Variants in MAPK4 observed in about 807,000 individuals in gnomAD.
MAPK4 encodes the protein mitogen-activated protein kinase 4.
A neutral mutation model predicts 47.7 loss-of-function variants in MAPK4; 22 were observed. The observed-to-expected ratio is 0.46, with a 90% CI of 0.33 to 0.66. The LOEUF (loss-of-function observed/expected upper bound fraction) is 0.66, where lower values mean the gene tolerates loss of function less well. Ranked by LOEUF, MAPK4 falls within the 30% of genes least tolerant of loss-of-function variation. MAPK4 has a pLI of 0.02. For missense variants in MAPK4, 736 were observed against 831.7 expected (o/e 0.88, Z 1.42); for synonymous variants, 390 against 365.7 (o/e 1.07, Z -0.76).
At chr18:50,603,049 T>C (rs1237392033) in intron 1 of MAPK4, among the ~76,000 whole-genome samples, 2 of 152,114 alleles carry the variant, frequency 1.3e-5, no homozygotes, top group Non-Finnish European at 2.9e-5. Flanking sequence ...TCTTACCTCC[T>C]GGTAAGGAGG....
chr18:50,693,274 GCA>G (rs1909331387), intron 2 of MAPK4, among the ~76,000 whole-genome samples: 1 of 151,986 alleles, frequency 6.6e-6, no homozygotes, highest in South Asian at 2.1e-4. Flanking sequence ...AAAAGATAGT[GCA>G]CAGTCTACAA....
intron 3 of MAPK4, among the ~76,000 whole-genome samples, chr18:50,720,728 G>A (rs1000113319): frequency 7.2e-5 from 11 of 152,216 alleles, no homozygotes; most frequent in African/African-American, 2.7e-4. Flanking sequence ...GGTGGGTGGT[G>A]TGGAGTACAC....
At chr18:50,704,370 G>A (rs769525295) in intron 2 of MAPK4, among the ~76,000 whole-genome samples, 56 of 152,106 alleles carry the variant, frequency 3.7e-4, no homozygotes, top group Non-Finnish European at 2.6e-4. Flanking sequence ...TTAGCCAGGC[G>A]TGGTGGTGCA....
intron 2 of MAPK4, among the ~76,000 whole-genome samples, chr18:50,679,629 T>A (rs187992310): frequency 2.6e-4 from 40 of 151,018 alleles, no homozygotes; most frequent in African/African-American, 9.6e-4. Flanking sequence ...AAGATCTGCC[T>A]CCGGGAACCT....
In MAPK4 at chr18:50,664,952, C is replaced by T. The variant is rs1598885564; in HGVS notation, c.546+448C>T. Reference sequence around the variant, plus strand: ...TTGGTCTCACCTCCCTCATCCCATCCAAGCTGACCCATTCGGTGTCCATTT... The same window carrying T: ...TTGGTCTCACCTCCCTCATCCCATCTAAGCTGACCCATTCGGTGTCCATTT... On this transcript the variant is annotated intron_variant, in intron 2 of 5. Transcript: ENST00000400384. This position sits in a 1 kb window ranked among gnomAD's most constrained non-coding sequence, Gnocchi z 6.0. 1.3e-5 allele frequency among the ~76,000 whole-genome samples: 2 copies of T among 152,198 alleles called. No homozygotes were observed. Among genetic ancestry groups the T allele is most frequent in the East Asian group, 1.9e-4 (1 of 5,190 alleles).
In MAPK4 at chr18:50,655,559, G is replaced by C. The variant is rs79202562; in HGVS notation, c.-870-7530G>C. 2.0e-4 allele frequency among the ~76,000 whole-genome samples: 31 copies of C among 152,262 alleles called. No individual in the cohort carries two copies. In the East Asian group the frequency reaches 5.4e-3, roughly 27 times the overall value. ...GAACCACTGCAGCCTGCACTCCTCT[G>C]GGGTGGAGGGAGCAGCGCTTAATTT... On this transcript the variant is annotated intron_variant, in intron 1 of 5. Transcript: ENST00000400384.
At position 50,681,555 on chromosome 18, in the gene MAPK4, T is replaced by C. The variant is rs75921780; in HGVS notation, c.546+17051T>C. Among the ~76,000 whole-genome samples, 409 of 152,366 alleles carry C rather than the reference T, an allele frequency of 2.7e-3. 12 individuals are homozygous for C. In the East Asian group the frequency reaches 0.035, roughly 13 times the overall value. On this transcript the variant is annotated intron_variant, in intron 2 of 5. Transcript: ENST00000400384. ...TCTTCAATTTTTGTAGTTTTAGCTC[T>C]TCAGTTTAGGTCTTTGATCCATTTT... is the stretch of plus-strand genomic sequence containing the variant.
At chr18:50,573,264 G>T (rs943928347) in intron 1 of MAPK4, among the ~76,000 whole-genome samples, 1 of 152,144 alleles carries the variant, frequency 6.6e-6, no homozygotes, top group Non-Finnish European at 1.5e-5. Context: ...TAGACCAGGG[G>T]TCCCCAACCC....
At chr18:50,643,252 C>T (rs2042956017) in intron 1 of MAPK4, among the ~76,000 whole-genome samples, 1 of 152,242 alleles carries the variant, frequency 6.6e-6, no homozygotes, top group African/African-American at 2.4e-5. Flanking sequence ...GTGGCTCACA[C>T]CTGTAATCCC....
chr18:50,581,469 T>A (rs1429564030), intron 1 of MAPK4, among the ~76,000 whole-genome samples: 1 of 152,220 alleles, frequency 6.6e-6, no homozygotes, highest in Non-Finnish European at 1.5e-5. Flanking sequence ...ACCGAGCAGT[T>A]ACGGTACCTC....
At chr18:50,710,043 T>G (rs1910265475) in intron 2 of MAPK4, among the ~76,000 whole-genome samples, 1 of 152,152 alleles carries the variant, frequency 6.6e-6, no homozygotes, top group Non-Finnish European at 1.5e-5. Flanking sequence ...CAGAGTCTCT[T>G]ATCATCCTAG....
At chr18:50,658,006 C>G (rs2043129421) in intron 1 of MAPK4, among the ~76,000 whole-genome samples, 1 of 152,110 alleles carries the variant, frequency 6.6e-6, no homozygotes, top group Non-Finnish European at 1.5e-5. Flanking sequence ...CAGCTCGTCC[C>G]AAGGATGCCC....
chr18:50,630,675 C>T (rs908896570), intron 1 of MAPK4, among the ~76,000 whole-genome samples: 4 of 152,246 alleles, frequency 2.6e-5, no homozygotes, highest in African/African-American at 9.6e-5. Flanking sequence ...CTGCACCTGG[C>T]AGGTGCTTAG....
intron 1 of MAPK4, among the ~76,000 whole-genome samples, chr18:50,569,806 G>A (rs1057055648): frequency 6.6e-6 from 1 of 152,218 alleles, no homozygotes; most frequent in Non-Finnish European, 1.5e-5. Context: ...GGGAGGCCCT[G>A]GCCTCTTGAT....
chr18:50,636,778 A>C (rs1261362215), intron 1 of MAPK4, among the ~76,000 whole-genome samples: 1 of 152,196 alleles, frequency 6.6e-6, no homozygotes, highest in Non-Finnish European at 1.5e-5. Context: ...AAGGATCTTC[A>C]GGAGTTACTC....
At chr18:50,631,292 G>A (rs1319127072) in intron 1 of MAPK4, among the ~76,000 whole-genome samples, 1 of 152,098 alleles carries the variant, frequency 6.6e-6, no homozygotes, top group Non-Finnish European at 1.5e-5. Flanking sequence ...TAAGCCCAGG[G>A]AGGCTGTGAT....
At chr18:50,599,507 C>T (rs748416568) in intron 1 of MAPK4, among the ~76,000 whole-genome samples, 4 of 152,112 alleles carry the variant, frequency 2.6e-5, no homozygotes, top group East Asian at 1.9e-4. Context: ...CAACCTTTGC[C>T]TTTTGGGTTC....
At chr18:50,726,224 C>A in intron 5 of MAPK4, 49 bp downstream of exon 5, 1 of 1,574,750 alleles carries the variant, frequency 6.4e-7, no homozygotes, top group Non-Finnish European at 8.7e-7. Flanking sequence ...GTCCTCCCAT[C>A]TCTATTTTGC....
rs573298792 is a variant in MAPK4 at position 50,710,685 on chromosome 18, C to T, written c.547-4394C>T. Among the ~76,000 whole-genome samples, 242 of 149,388 alleles carry T rather than the reference C, an allele frequency of 1.6e-3. 1 individual carries two copies. The highest frequency in any genetic ancestry group is 2.5e-3 in the Non-Finnish European group (171 of 67,370). On this transcript the variant is annotated intron_variant, in intron 2 of 5. Transcript: ENST00000400384. ...GTCCCGGCTACTCAGGAGGCTGAGG[C>T]AGGAGAATGGCGTGAACCCGGGAGG...
Sources: allele counts gnomAD v4.1 joint callset (sites outside exome capture counted in the v4.1 genomes callset), GRCh38; gene constraint gnomAD v4.1.1; non-coding constraint Gnocchi (gnomAD v3.1); transcripts MANE v1.5; gene names NCBI Gene and HGNC (gene_info 2026-07-23, HGNC 2026-07-21).